Variants in KCTD19 observed in about 807,000 individuals in gnomAD.
KCTD19 encodes the protein potassium channel tetramerization domain containing 19, also known as BTB/POZ domain-containing protein KCTD19.
Under a neutral mutation model 103.5 loss-of-function variants are expected in KCTD19, and 67 were observed. The ratio of observed to expected loss-of-function variants is 0.65; its 90% CI spans 0.53 to 0.79. The LOEUF is 0.79. KCTD19 is among the 30% of genes least tolerant of loss of function. The probability of loss-of-function intolerance (pLI) is 0.00; values close to 1 mark genes in which losing one functional copy is unlikely to be tolerated. For missense variants in KCTD19, 980 were observed against 1,136.1 expected (o/e 0.86, Z 1.98); for synonymous variants, 439 against 452.2 (o/e 0.97, Z 0.37).
Position 67,297,393 on chromosome 16 carries a change from C to G in KCTD19, c.1147+110G>C, listed in dbSNP as rs1016287514. ...AAATCCAAAATATTGGCCTGGCTTT[C>G]CCCTCCTCCTCCATCTACAGTTCCT... On this transcript the variant is annotated intron_variant, in intron 7 of 15. Transcript: ENST00000304372. 22 of 1,108,734 alleles carry G rather than the reference C, an allele frequency of 2.0e-5. No homozygotes were observed. In the Admixed American group the frequency reaches 3.6e-4, roughly 18 times the overall value. The allele number at this position is 1,108,734 out of a possible 1,614,324, so 68.7% of individuals were successfully genotyped here. A position where few individuals can be genotyped will look rare whatever the true frequency, so the allele number is the denominator to read the frequency against.
Position 67,289,549 on chromosome 16 carries a change from G to A in KCTD19, c.*20C>T. On this transcript the variant is annotated 3_prime_UTR_variant, in exon 16 of 16. Coordinates refer to ENST00000304372, the MANE Select transcript of KCTD19 (RefSeq NM_001100915.3). ...TGAGACTTGGCGGGTGGGGCATGAG[G>A]GGCTGCATCTCTGGGCACCCTAGTC... is the stretch of plus-strand genomic sequence containing the variant. 2 of 1,480,354 alleles carry A rather than the reference G, an allele frequency of 1.4e-6. No homozygotes were observed. The highest frequency in any genetic ancestry group is 2.3e-5 in the South Asian group (2 of 88,218). The allele number at this position is 1,480,354 out of a possible 1,614,324, so 91.7% of individuals were successfully genotyped here. A position where few individuals can be genotyped will look rare whatever the true frequency, so the allele number is the denominator to read the frequency against.
chr16:67,290,972 G>A lies in KCTD19; in HGVS notation c.2580C>T (p.Ser860=). 6.2e-7 allele frequency: 1 copy of A among 1,614,126 alleles called. No homozygotes were observed. The highest frequency in any genetic ancestry group is 8.5e-7 in the Non-Finnish European group (1 of 1,180,000). The change falls in exon 15 of 16, where the codon AGC becomes AGT. Residue 860 remains serine (S), a synonymous_variant. Transcript: ENST00000304372. ...LANRLWTLHI[S]PKQFVVDLLA... is the part of the protein sequence containing the mutation. ...GCAAATCTACCACAAACTGCTTGGG[G>A]CTGATGTGCAGGGTCTGCCAGGAGA...
At chr16:67,317,166 T>C (rs1267337321) in intron 2 of KCTD19, among the ~76,000 whole-genome samples, 1 of 152,120 alleles carries the variant, frequency 6.6e-6, no homozygotes, top group Non-Finnish European at 1.5e-5. Flanking sequence ...TAGCCACGTA[T>C]GGTTATTGAC....
At chr16:67,307,480 A>G (rs973714106) in intron 2 of KCTD19, among the ~76,000 whole-genome samples, 1 of 151,646 alleles carries the variant, frequency 6.6e-6, no homozygotes, top group East Asian at 1.9e-4. Flanking sequence ...CACCTGGCTA[A>G]TTTTTTTGTA....
chr16:67,305,754 A>G (rs1290058507), intron 2 of KCTD19: 1 of 344,952 alleles, frequency 2.9e-6, no homozygotes, highest in African/African-American at 2.2e-5. Flanking sequence ...CAGATCCTCA[A>G]AATGGACAGG....
intron 2 of KCTD19, chr16:67,305,533 C>A: frequency 2.2e-6 from 1 of 445,406 alleles, no homozygotes; most frequent in Non-Finnish European, 4.5e-6. Flanking sequence ...TGGAGTGGAG[C>A]ACCCCAACTA....
At chr16:67,299,325 G>C (rs1460104862) in intron 6 of KCTD19, 38 bp downstream of exon 6, 1 of 1,588,832 alleles carries the variant, frequency 6.3e-7, no homozygotes. Context: ...GCAGAGCCAA[G>C]GGTGATGGGA....
At chr16:67,315,278 A>G (rs2036998261) in intron 2 of KCTD19, among the ~76,000 whole-genome samples, 1 of 151,570 alleles carries the variant, frequency 6.6e-6, no homozygotes, top group South Asian at 2.1e-4. Context: ...ACGAGCCACT[A>G]TAACCTCAGG....
chr16:67,291,498 G>A (rs767764399), intron 13 of KCTD19, 35 bp from the exon 14 acceptor site: 11 of 1,605,896 alleles, frequency 6.8e-6, no homozygotes, highest in Non-Finnish European at 9.4e-6. Context: ...GGCCACATCT[G>A]TCAATAGCTA....
chr16:67,295,138 C>A, intron 9 of KCTD19, 82 bp from the exon 10 acceptor site: 1 of 1,549,788 alleles, frequency 6.5e-7, no homozygotes, highest in Non-Finnish European at 8.9e-7. Flanking sequence ...ACTGCCGCTG[C>A]CAACAGTTCC....
In KCTD19 at chr16:67,293,199, A is replaced by G. The variant is rs2036720024; in HGVS notation, c.2218+345T>C. Among the ~76,000 whole-genome samples, 1 of 152,258 alleles carries G rather than the reference A, an allele frequency of 6.6e-6. No homozygotes were observed. Among genetic ancestry groups the G allele is most frequent in the African/African-American group, 2.4e-5 (1 of 41,556 alleles). The stretch of plus-strand genomic sequence containing the variant: ...CAGCCTCATCTTTTATCACGTCTGC[A>G]TGTGAAGCCTGGCCTCCAGCTAGAC... On this transcript the variant is annotated intron_variant, in intron 12 of 15. Transcript: ENST00000304372. The surrounding 1 kb of genome is among the most constrained non-coding windows in gnomAD (Gnocchi z 4.0).
Position 67,326,730 on chromosome 16 carries a change from G to A in KCTD19, c.-23C>T, listed in dbSNP as rs1336839140. The A allele has an allele frequency of 6.4e-7, 1 of 1,572,478 alleles. No individual in the cohort carries two copies. On this transcript the variant is annotated 5_prime_UTR_variant, in exon 1 of 16. Transcript: ENST00000304372. ...CATGGTCGCGGCTCCAGCAGCGGGC[G>A]GGCGGGCTTGTGACCCGGCCAATAA...
intron 9 of KCTD19, 45 bp from the exon 10 acceptor site, chr16:67,295,101 G>A: frequency 1.3e-6 from 2 of 1,582,026 alleles, no homozygotes; most frequent in Non-Finnish European, 1.7e-6. Context: ...TAGGATGAGG[G>A]TGTGGGAGGG....
chr16:67,299,461 C>G lies in KCTD19; in HGVS notation c.888G>C (p.Lys296Asn). ...GCTGGCCCAGCGCAGAGTCCGGGTA[C>G]TTGACCAGCAGACCCAGGGCCATTG... ...LYTMALGLLV[K>N]YPDSALGQLR... The change falls in exon 6 of 16, where the codon AAG (lysine) becomes AAC (asparagine). Residue 296 changes from lysine to asparagine, a missense_variant. By Grantham distance (94) the Lys-to-Asn change is moderately conservative (BLOSUM62 0). Coordinates refer to ENST00000304372, the MANE Select transcript of KCTD19 (RefSeq NM_001100915.3). The G allele has an allele frequency of 6.2e-7, 1 of 1,614,226 alleles. No individual in the cohort carries two copies. The highest frequency in any genetic ancestry group is 8.5e-7 in the Non-Finnish European group (1 of 1,180,048).
intron 2 of KCTD19, among the ~76,000 whole-genome samples, chr16:67,311,314 T>C (rs74360099): frequency 6.6e-6 from 1 of 152,088 alleles, no homozygotes; most frequent in East Asian, 1.9e-4. Context: ...TTTTTTTTTT[T>C]GAGATGGAGT....
At chr16:67,292,482 A>G (rs1332479624) in intron 12 of KCTD19, among the ~76,000 whole-genome samples, 3 of 152,182 alleles carry the variant, frequency 2.0e-5, no homozygotes, top group Admixed American at 1.3e-4. Flanking sequence ...GGAAATCTTT[A>G]TAAAATTTTA....
In KCTD19 at chr16:67,291,816, G is replaced by A. The variant is rs560498763; in HGVS notation, c.2240C>T (p.Pro747Leu). Residue 747 changes from proline to leucine, a missense_variant, in exon 13 of 16, where the codon CCT becomes CTT. Transcript: ENST00000304372. ...KERESPAPEQ[P>L]LPEASEVDSL... ...GTCCACCTCACTGGCCTCGGGCAGA[G>A]GCTGCTCAGGGGCAGGGCTTTCTGT... 1 of 1,610,158 alleles carries A rather than the reference G, an allele frequency of 6.2e-7. No individual in the cohort carries two copies. Among genetic ancestry groups the A allele is most frequent in the South Asian group, 1.1e-5 (1 of 90,616 alleles).
chr16:67,321,195 AAAAC>A (rs1325898693), intron 1 of KCTD19, among the ~76,000 whole-genome samples: 6 of 152,228 alleles, frequency 3.9e-5, no homozygotes, highest in Non-Finnish European at 7.3e-5. Flanking sequence ...TCAAAAAAGA[AAAAC>A]AAACAAAAAA....
intron 8 of KCTD19, 130 bp from the exon 9 acceptor site, chr16:67,295,535 G>T: frequency 4.5e-6 from 4 of 882,678 alleles, no homozygotes; most frequent in Non-Finnish European, 6.7e-6. Flanking sequence ...TCCCTGTCTT[G>T]TCAGTCACAA....
Sources: allele counts gnomAD v4.1 joint callset (sites outside exome capture counted in the v4.1 genomes callset), GRCh38; gene constraint gnomAD v4.1.1; non-coding constraint Gnocchi (gnomAD v3.1); transcripts MANE v1.5; gene names NCBI Gene and HGNC (gene_info 2026-07-23, HGNC 2026-07-21).